Variants in LMCD1 observed in about 807,000 individuals in gnomAD.
The protein encoded by LMCD1 is LIM and cysteine-rich domains protein 1.
LMCD1 carries 32 observed loss-of-function variants against 42.7 expected under a neutral mutation model. The observed-to-expected ratio is 0.75, with a 90% CI of 0.57 to 1.01. The LOEUF is 1.01. LMCD1 is among the 50% of genes least tolerant of loss of function. The pLI is 0.00. For missense variants in LMCD1, 458 were observed against 483.1 expected, an observed-to-expected ratio of 0.95 and a Z score of 0.49; for synonymous variants, 178 against 184.9, an observed-to-expected ratio of 0.96 and a Z score of 0.30.
At chr3:8,566,463 T>C (rs932378251) in intron 5 of LMCD1, among the ~76,000 whole-genome samples, 1 of 152,214 alleles carries the variant, frequency 6.6e-6, no homozygotes, top group African/African-American at 2.4e-5. Flanking sequence ...TAAGACCCTG[T>C]AGTCCTCTTA....
At chr3:8,514,992 G>A (rs1012252465) in intron 1 of LMCD1, 7 of 456,580 alleles carry the variant, frequency 1.5e-5, no homozygotes, top group African/African-American at 2.0e-5. Context: ...CATTTCGACC[G>A]CATGTAAGTT....
At chr3:8,513,086 A>T (rs981841633) in intron 1 of LMCD1, among the ~76,000 whole-genome samples, 6 of 152,294 alleles carry the variant, frequency 3.9e-5, no homozygotes, top group Non-Finnish European at 7.3e-5. Context: ...ATTATTGGAA[A>T]GCTCTTTGTT....
intron 2 of LMCD1, among the ~76,000 whole-genome samples, chr3:8,536,430 C>T (rs1376436299): frequency 6.6e-6 from 1 of 152,108 alleles, no homozygotes; most frequent in African/African-American, 2.4e-5. Flanking sequence ...CTGAACCCTC[C>T]CCAGGATGTG....
At chr3:8,553,270 G>A (rs553226314) in intron 4 of LMCD1, among the ~76,000 whole-genome samples, 1 of 152,276 alleles carries the variant, frequency 6.6e-6, no homozygotes, top group South Asian at 2.1e-4. Context: ...CCTGCTGGGG[G>A]ACGTCCTTCC....
chr3:8,544,833 G>A (rs1462597009), intron 3 of LMCD1, among the ~76,000 whole-genome samples: 1 of 152,184 alleles, frequency 6.6e-6, no homozygotes, highest in Non-Finnish European at 1.5e-5. Context: ...AGGAGACTGG[G>A]TACTAAGGTT....
chr3:8,519,040 A>C (rs1019872635), intron 1 of LMCD1, among the ~76,000 whole-genome samples: 1 of 152,274 alleles, frequency 6.6e-6, no homozygotes, highest in African/African-American at 2.4e-5. Context: ...GTTTTATATA[A>C]ATGTTTATTG....
At chr3:8,540,644 T>C (rs2125027117) in intron 3 of LMCD1, among the ~76,000 whole-genome samples, 1 of 152,310 alleles carries the variant, frequency 6.6e-6, no homozygotes, top group African/African-American at 2.4e-5. Context: ...GGTTAGCATT[T>C]TCAGGGAAGG....
intron 4 of LMCD1, among the ~76,000 whole-genome samples, chr3:8,560,116 C>T (rs143080620): frequency 1.1e-3 from 175 of 152,284 alleles, no homozygotes; most frequent in African/African-American, 3.9e-3. Context: ...GAACCAGTAA[C>T]GGGTTAGGTG....
At chr3:8,542,429 G>A (rs953268788) in intron 3 of LMCD1, among the ~76,000 whole-genome samples, 6 of 152,186 alleles carry the variant, frequency 3.9e-5, no homozygotes, top group Non-Finnish European at 8.8e-5. Flanking sequence ...GTGCAGAGCC[G>A]TGAAAGGACA....
chr3:8,502,318 A>AT (rs2125005589), intron 1 of LMCD1, among the ~76,000 whole-genome samples: 1 of 42,418 alleles, frequency 2.4e-5, no homozygotes, highest in East Asian at 7.8e-4. Flanking sequence ...TATAAAATAT[A>AT]TATTATATAT....
At chr3:8,550,955 C>T (rs898410583) in intron 4 of LMCD1, 11 of 985,290 alleles carry the variant, frequency 1.1e-5, no homozygotes, top group Admixed American at 1.2e-4. Context: ...CCCAAGAACC[C>T]GGGTCCTTGC....
At chr3:8,531,318 A>G (rs1355147431) in intron 1 of LMCD1, among the ~76,000 whole-genome samples, 22 of 152,114 alleles carry the variant, frequency 1.4e-4, no homozygotes, top group Admixed American at 1.4e-3. Context: ...CTGCCTGTCC[A>G]TCTTGCACAG....
chr3:8,523,207 T>A (rs1484981202), intron 1 of LMCD1, among the ~76,000 whole-genome samples: 10 of 152,258 alleles, frequency 6.6e-5, no homozygotes, highest in Non-Finnish European at 1.3e-4. Flanking sequence ...TGTGCATTTT[T>A]ATCTTCATTA....
rs73810477 is a variant in LMCD1 at position 8,508,336 on chromosome 3, C to T, written c.42+6356C>T. On this transcript the variant is annotated intron_variant, in intron 1 of 5. Coordinates refer to ENST00000157600, the MANE Select transcript of LMCD1 (RefSeq NM_014583.4). ...AGCCAAACATGGCCTGGGCCCCCACCGGGACATGCTTTAAAAGGAAATATA... is the reference window on the plus strand; with the variant it reads ...AGCCAAACATGGCCTGGGCCCCCACTGGGACATGCTTTAAAAGGAAATATA... Among the ~76,000 whole-genome samples the T allele has an allele frequency of 1.2e-4, 19 of 152,170 alleles. No homozygotes were observed. In the South Asian group the frequency reaches 1.9e-3, roughly 15 times the overall value.
intron 1 of LMCD1, chr3:8,514,789 C>T (rs1024336000): frequency 1.4e-5 from 5 of 345,354 alleles, no homozygotes; most frequent in Admixed American, 3.6e-5. Context: ...TTACCATGTT[C>T]GAAAACAGGC....
chr3:8,546,661 T>G (rs1694739920), intron 3 of LMCD1, among the ~76,000 whole-genome samples: 1 of 149,056 alleles, frequency 6.7e-6, no homozygotes, highest in African/African-American at 2.5e-5. Flanking sequence ...ACACTAGGAA[T>G]GGTTAAGGAC....
chr3:8,528,303 C>T (rs1173120301), intron 1 of LMCD1, among the ~76,000 whole-genome samples: 1 of 152,130 alleles, frequency 6.6e-6, no homozygotes, highest in Non-Finnish European at 1.5e-5. Context: ...ATCCTCCAGC[C>T]TCAGCCTCTC....
intron 3 of LMCD1, among the ~76,000 whole-genome samples, chr3:8,546,274 TAAAA>T (rs888132121): frequency 6.6e-6 from 1 of 152,106 alleles, no homozygotes; most frequent in Non-Finnish European, 1.5e-5. Flanking sequence ...CTGATGAGCT[TAAAA>T]AAAATCACAG....
intron 1 of LMCD1, among the ~76,000 whole-genome samples, chr3:8,511,472 CT>C (rs1307564049): frequency 6.6e-6 from 1 of 152,142 alleles, no homozygotes; most frequent in Non-Finnish European, 1.5e-5. Context: ...GCCTAAAGAC[CT>C]TGATCGGGGT....
Sources: gnomAD v4.1 joint callset for allele counts (sites outside exome capture counted in the v4.1 genomes callset) on GRCh38, gnomAD v4.1.1 for gene constraint, MANE v1.5 for transcripts, NCBI Gene and HGNC (gene_info 2026-07-23, HGNC 2026-07-21) for gene names.